ABCA7: variants seen among roughly 807,000 people sequenced by gnomAD.
ABCA7 encodes phospholipid-transporting ATPase ABCA7.
In ABCA7, 261 loss-of-function variants were observed where a neutral mutation model predicts 227.6. That is an observed-to-expected ratio of 1.15 (90% CI 1.04 to 1.27). ABCA7 has a LOEUF of 1.27. ABCA7 is among the 50% of genes most tolerant of loss of function. The pLI is 0.00. For synonymous variants in ABCA7, 1,488 were observed against 1,279.7 expected (o/e 1.16, Z -3.47); for missense variants, 3,331 against 2,924.5 (o/e 1.14, Z -3.21).
At position 1,047,459 on chromosome 19, in the gene ABCA7, C is replaced by T; in HGVS notation, c.2074C>T (p.Leu692=). ...PAGGRVAASL[L]SPVAFGFGCE... The stretch of plus-strand genomic sequence containing the variant: ...ACCGCCCGCTTTTCCGCAGAGCCTG[C>T]TGTCGCCCGTGGCCTTCGGCTTCGG... Residue 692 remains leucine, a synonymous_variant, in exon 16 of 47, where the codon CTG becomes TTG. Transcript: ENST00000263094. 1 of 1,549,144 alleles carries T rather than the reference C, an allele frequency of 6.5e-7. No homozygotes were observed. Among genetic ancestry groups the T allele is most frequent in the Non-Finnish European group, 8.7e-7 (1 of 1,151,182 alleles).
intron 17 of ABCA7, 26 bp downstream of exon 17, chr19:1,049,031 TGGTTGTC>T: frequency 7.1e-7 from 1 of 1,409,288 alleles, no homozygotes; most frequent in Non-Finnish European, 9.7e-7. Context: ...GCTTAATAGC[TGGTTGTC>T]CACATATGCC....
chr19:1,064,618 G>C, intron 45 of ABCA7: 3 of 517,070 alleles, frequency 5.8e-6, no homozygotes, highest in Non-Finnish European at 1.0e-5. Flanking sequence ...TGTGGGCGGG[G>C]GTAGAGTGCA....
At chr19:1,053,971 C>T (rs1226484905) in intron 25 of ABCA7, 35 bp from the exon 26 acceptor site, 5 of 1,611,450 alleles carry the variant, frequency 3.1e-6, no homozygotes, top group African/African-American at 1.3e-5. Context: ...ATCCGTGACC[C>T]TCAACTTTGA....
chr19:1,046,942 G>A lies in ABCA7; in HGVS notation c.1763G>A (p.Arg588His), dbSNP rs1404917444. 3 of 1,566,944 alleles carry A rather than the reference G, an allele frequency of 1.9e-6. No individual in the cohort carries two copies. Among genetic ancestry groups the A allele is most frequent in the Non-Finnish European group, 1.7e-6 (2 of 1,164,808 alleles). ...ACCATGCGCGCCATGGGGCTCAGCCGCGCGGTGCTCTGGCTAGGCTGGTTC... is the reference window on the plus strand; with the variant it reads ...ACCATGCGCGCCATGGGGCTCAGCCACGCGGTGCTCTGGCTAGGCTGGTTC... ...RDTMRAMGLSRAVLWLGWFLS... is the reference protein window; with the variant it reads ...RDTMRAMGLSHAVLWLGWFLS... Residue 588 changes from arginine to histidine, a missense_variant, in exon 14 of 47, where the codon CGC (arginine) becomes CAC (histidine). Coordinates refer to ENST00000263094, the MANE Select transcript of ABCA7 (RefSeq NM_019112.4).
rs756495449 is a variant in ABCA7 at position 1,041,826 on chromosome 19, C to T, written c.161-5C>T. The T allele has an allele frequency of 6.2e-6, 10 of 1,601,606 alleles. No individual in the cohort carries two copies. The highest frequency in any genetic ancestry group is 2.2e-5 in the East Asian group (1 of 44,560). On this transcript the variant is annotated splice_region_variant and splice_polypyrimidine_tract_variant and intron_variant, in intron 3 of 46. Transcript: ENST00000263094. ...AGGGCCTCAGCACCAGGCGTCTCCC[C>T]GCAGGCCACTTCCCAAACAAGCCAC... is the stretch of plus-strand genomic sequence containing the variant.
intron 40 of ABCA7, among the ~76,000 whole-genome samples, chr19:1,060,086 A>C (rs984974388): frequency 4.6e-5 from 7 of 152,164 alleles, no homozygotes; most frequent in Non-Finnish European, 1.0e-4. Flanking sequence ...ACCAGTTCAC[A>C]TTCAAGCACC....
chr19:1,050,818 T>TAATAATAATAATAAA (rs1052458426), intron 18 of ABCA7, 103 bp from the exon 19 acceptor site: 3 of 666,130 alleles, frequency 4.5e-6, no homozygotes, highest in Admixed American at 3.8e-5. Context: ...ATAATAATAA[T>TAATAATAATAATAAA]AAATAATTAA....
chr19:1,046,509 G>A (rs2040684608), intron 13 of ABCA7, 103 bp downstream of exon 13: 6 of 1,459,796 alleles, frequency 4.1e-6, no homozygotes, highest in Admixed American at 2.3e-5. Context: ...TCCAGGCTGC[G>A]AACTTTGCAC....
rs1399054113 is a variant in ABCA7 at position 1,058,856 on chromosome 19, G to A, written c.5316G>A (p.Glu1772=). 4 of 1,577,430 alleles carry A rather than the reference G, an allele frequency of 2.5e-6. No individual in the cohort carries two copies. The South Asian group carries it at 4.7e-5, about 18-fold the overall frequency. Residue 1772 remains glutamate (E), a synonymous_variant, in exon 39 of 47, where the codon GAG becomes GAA. Coordinates refer to ENST00000263094, the MANE Select transcript of ABCA7 (RefSeq NM_019112.4). The part of the protein sequence containing the change: ...RVRSLPLLGE[E]DEDVARERER... ...GGTCTCTGCCACTCCTGGGAGAGGA[G>A]GACGAGGATGTAGCCCGTGAACGGG...
intron 3 of ABCA7, 107 bp from the exon 4 acceptor site, chr19:1,041,724 G>T (rs927813382): frequency 3.8e-6 from 6 of 1,583,326 alleles, no homozygotes; most frequent in Non-Finnish European, 5.1e-6. Flanking sequence ...ACATGGCATG[G>T]GAGTGAGCTC....
At chr19:1,046,580 T>TG (rs3834987) in intron 13 of ABCA7, among the ~76,000 whole-genome samples, 174 bp downstream of exon 13, 8,175 of 134,114 alleles carry the variant, frequency 0.061, 313 homozygotes, top group African/African-American at 0.12. Context: ...GAGGGTCTGG[T>TG]GGGGGGGGGG....
chr19:1,065,208 G>C lies in ABCA7; in HGVS notation c.6285+37G>C, dbSNP rs758689952. Reference sequence around the variant, plus strand: ...GCCGGGGTCGGGCTGGGGGAGGCAGGCTGGGGGCCAGGCCCGTGGGCTGAC... The same window carrying C: ...GCCGGGGTCGGGCTGGGGGAGGCAGCCTGGGGGCCAGGCCCGTGGGCTGAC... On this transcript the variant is annotated intron_variant, in intron 46 of 46. Transcript: ENST00000263094. 3 of 1,598,584 alleles carry C rather than the reference G, an allele frequency of 1.9e-6. No individual in the cohort carries two copies. The African/African-American group carries it at 4.0e-5, about 21-fold the overall frequency.
At chr19:1,064,902 T>A in intron 45 of ABCA7, 29 bp from the exon 46 acceptor site, 2 of 1,549,376 alleles carry the variant, frequency 1.3e-6, no homozygotes, top group Non-Finnish European at 1.7e-6. Flanking sequence ...AAAGGCCCGA[T>A]CCGGTAGCCC....
intron 45 of ABCA7, chr19:1,064,663 G>A: frequency 3.6e-6 from 2 of 555,074 alleles, no homozygotes; most frequent in Non-Finnish European, 6.1e-6. Context: ...AAGGAGTCAA[G>A]TGGGGTGATA....
chr19:1,047,476 CGGCTTCGGCTGCGAGAGCCT>C lies in ABCA7; in HGVS notation c.2096_2115del (p.Phe699SerfsTer58), dbSNP rs1295394192. The C allele has an allele frequency of 6.4e-7, 1 of 1,559,982 alleles. No homozygotes were observed. Among genetic ancestry groups the C allele is most frequent in the African/African-American group, 1.3e-5 (1 of 74,094 alleles). On this transcript the variant is annotated frameshift_variant, in exon 16 of 47. Transcript: ENST00000263094. LOFTEE classifies it high-confidence loss of function. ...AGAGCCTGCTGTCGCCCGTGGCCTT[CGGCTTCGGCTGCGAGAGCCT>C]GGCTCTGCTGGAGGAGCAGGGCGAG... is the stretch of plus-strand genomic sequence containing the variant.
At chr19:1,063,701 T>G in intron 43 of ABCA7, 23 bp downstream of exon 43, 1 of 1,569,948 alleles carries the variant, frequency 6.4e-7, no homozygotes. Flanking sequence ...GGTGCCTGGG[T>G]GGGGTGGGGC....
chr19:1,054,148 AC>A lies in ABCA7; in HGVS notation c.3578-38del, dbSNP rs746753234. On this transcript the variant is annotated intron_variant, in intron 26 of 46. Transcript: ENST00000263094. This position sits in a 1 kb window ranked among gnomAD's most constrained non-coding sequence, Gnocchi z 4.8. Reference sequence around the variant, plus strand: ...CAGTGGCCCTGGGGTCCTCCCAGCCACCCCCCCACAGCAGCGTGAGCACTGA... The same window carrying A: ...CAGTGGCCCTGGGGTCCTCCCAGCCACCCCCCACAGCAGCGTGAGCACTGA... 8.0e-5 allele frequency: 128 copies of A among 1,609,574 alleles called. 1 individual carries two copies. The South Asian group carries it at 9.4e-4, about 12-fold the overall frequency.
chr19:1,057,921 G>C lies in ABCA7; in HGVS notation c.4887G>C (p.Ser1629=), dbSNP rs1162736363. The change falls in exon 36 of 47, where the codon TCG becomes TCC. Residue 1629 remains serine (S), a synonymous_variant. Coordinates refer to ENST00000263094, the MANE Select transcript of ABCA7 (RefSeq NM_019112.4). ...LLLLLLLYGW[S]ITPLMYPASF... is the part of the protein sequence containing the mutation. ...ACTCCTATTGTCCCTTCAGCTGGTC[G>C]ATCACACCGCTCATGTACCCAGCCT... 1 of 1,614,022 alleles carries C rather than the reference G, an allele frequency of 6.2e-7. No homozygotes were observed.
intron 41 of ABCA7, 27 bp from the exon 42 acceptor site, chr19:1,062,145 C>CT (rs750109335): frequency 6.2e-7 from 1 of 1,609,330 alleles, no homozygotes; most frequent in Admixed American, 1.7e-5. Flanking sequence ...AGCCAGCTCT[C>CT]TGAGCCCCCG....
Sources: gnomAD v4.1 joint callset for allele counts (sites outside exome capture counted in the v4.1 genomes callset) on GRCh38, gnomAD v4.1.1 for gene constraint, Gnocchi (gnomAD v3.1) non-coding constraint, MANE v1.5 for transcripts, NCBI Gene and HGNC (gene_info 2026-07-23, HGNC 2026-07-21) for gene names.